The following VAV2 variants were observed in gnomAD, a reference collection of about 807,000 sequenced individuals.
VAV2 encodes guanine nucleotide exchange factor VAV2.
VAV2 carries 67 observed loss-of-function variants against 132.5 expected under a neutral mutation model. The observed-to-expected ratio is 0.51, with a 90% CI of 0.42 to 0.62. VAV2 has a LOEUF of 0.62. Among genes scored for constraint, VAV2 ranks in the 20% least tolerant of loss-of-function variants. The probability of loss-of-function intolerance (pLI) is 0.00; values close to 1 mark genes in which losing one functional copy is unlikely to be tolerated. For synonymous variants in VAV2, 492 were observed against 443.5 expected (o/e 1.11, Z -1.37); for missense variants, 938 against 1,153.6 (o/e 0.81, Z 2.71).
rs1412960185 is a variant in VAV2 at position 133,969,675 on chromosome 9, C to T, written c.204+22400G>A. On this transcript the variant is annotated intron_variant, in intron 1 of 29. Transcript: ENST00000371850. This position sits in a 1 kb window ranked among gnomAD's most constrained non-coding sequence, Gnocchi z 5.1. ...TCCATCGCACTGCTCAAGCCTGACC[C>T]CAGAGCACCCTCTTCATCACCCAAG... is the stretch of plus-strand genomic sequence containing the variant. Among the ~76,000 whole-genome samples the T allele has an allele frequency of 6.6e-6, 1 of 152,140 alleles. No individual in the cohort carries two copies. The highest frequency in any genetic ancestry group is 1.5e-5 in the Non-Finnish European group (1 of 68,004).
intron 16 of VAV2, 127 bp from the exon 17 acceptor site, chr9:133,786,012 G>GAGAA: frequency 1.2e-6 from 1 of 828,254 alleles, no homozygotes; most frequent in Non-Finnish European, 2.0e-6. Context: ...AGGTGCCTGT[G>GAGAA]CCTGTGTGAA....
At chr9:133,774,720 C>T (rs1054232642) in intron 25 of VAV2, among the ~76,000 whole-genome samples, 1 of 152,186 alleles carries the variant, frequency 6.6e-6, no homozygotes, top group African/African-American at 2.4e-5. Context: ...TAAGCATGGA[C>T]CATCTGTGCA....
At chr9:133,966,865 C>G (rs1273223735) in intron 1 of VAV2, among the ~76,000 whole-genome samples, 3 of 151,942 alleles carry the variant, frequency 2.0e-5, no homozygotes, top group Non-Finnish European at 2.9e-5. Context: ...TAAACCCTGT[C>G]TCTACTAAAA....
chr9:133,780,177 C>G, intron 20 of VAV2: 1 of 555,138 alleles, frequency 1.8e-6, no homozygotes, highest in Non-Finnish European at 3.1e-6. Flanking sequence ...CCACTCCTTA[C>G]CACGGGCCCC....
intron 2 of VAV2, among the ~76,000 whole-genome samples, chr9:133,915,707 G>A (rs200753695): frequency 1.4e-5 from 1 of 71,454 alleles, no homozygotes; most frequent in African/African-American, 4.5e-5. Flanking sequence ...ACAATGCACA[G>A]ACGCACACGA....
At chr9:133,990,859 C>A (rs1042812964) in intron 1 of VAV2, among the ~76,000 whole-genome samples, 1 of 152,118 alleles carries the variant, frequency 6.6e-6, no homozygotes, top group Non-Finnish European at 1.5e-5. Flanking sequence ...TCCTGCTAAG[C>A]CGGTCCAGGC....
chr9:133,976,702 T>G (rs530706126), intron 1 of VAV2, among the ~76,000 whole-genome samples: 1 of 152,348 alleles, frequency 6.6e-6, no homozygotes, highest in African/African-American at 2.4e-5. Flanking sequence ...GCGACGGAGC[T>G]GCTATTCTGG....
intron 4 of VAV2, among the ~76,000 whole-genome samples, chr9:133,813,969 G>C (rs1835458132): frequency 6.6e-6 from 1 of 152,184 alleles, no homozygotes; most frequent in South Asian, 2.1e-4. Context: ...GCCAGCAAGG[G>C]GCAGGGCTGT....
intron 26 of VAV2, 108 bp from the exon 27 acceptor site, chr9:133,770,609 T>TTCCTGGAC: frequency 1.3e-6 from 2 of 1,507,036 alleles, no homozygotes; most frequent in Middle Eastern, 2.3e-4. Flanking sequence ...GGAGACTAGC[T>TTCCTGGAC]TCCTGGACTC....
intron 1 of VAV2, among the ~76,000 whole-genome samples, chr9:133,958,993 AG>A (rs1363680774): frequency 6.6e-6 from 1 of 152,118 alleles, no homozygotes; most frequent in Non-Finnish European, 1.5e-5. Context: ...GGGGCCTCCC[AG>A]GGAAGTGAGA....
intron 2 of VAV2, among the ~76,000 whole-genome samples, chr9:133,869,820 A>G (rs57520738): frequency 0.25 from 37,915 of 152,060 alleles, 7,003 homozygotes; most frequent in African/African-American, 0.52. Context: ...CCATTACCAC[A>G]CATCTGGAAA....
At chr9:133,882,536 G>A (rs1588309215) in intron 2 of VAV2, among the ~76,000 whole-genome samples, 1 of 150,528 alleles carries the variant, frequency 6.6e-6, no homozygotes. Context: ...CTCAAAAGAA[G>A]AGAAAAGACA....
At chr9:133,976,197 T>C (rs117847749) in intron 1 of VAV2, among the ~76,000 whole-genome samples, 209 of 151,974 alleles carry the variant, frequency 1.4e-3, no homozygotes, top group Admixed American at 2.8e-3. Flanking sequence ...CAGAGCGAGA[T>C]TCCATTTCAA....
intron 2 of VAV2, among the ~76,000 whole-genome samples, chr9:133,865,254 C>T (rs1837754331): frequency 1.3e-5 from 2 of 152,232 alleles, no homozygotes; most frequent in African/African-American, 4.8e-5. Flanking sequence ...ACTGCGGATT[C>T]ACTGTAGGAC....
At chr9:133,982,430 A>G (rs372831129) in intron 1 of VAV2, among the ~76,000 whole-genome samples, 3 of 124,664 alleles carry the variant, frequency 2.4e-5, no homozygotes, top group Non-Finnish European at 5.6e-5. Flanking sequence ...ACAAGAGGGG[A>G]CCTAGGACGG....
Position 133,799,415 on chromosome 9 carries a change from A to C in VAV2, c.837-1606T>G, listed in dbSNP as rs557081959. 2.6e-4 allele frequency among the ~76,000 whole-genome samples: 40 copies of C among 152,318 alleles called. No homozygotes were observed. In the South Asian group the frequency reaches 7.9e-3, roughly 30 times the overall value. Reference sequence around the variant, plus strand: ...ACAAGCCTGCAGGGACACCTCTGGCATGCGAGGCTGACAGTCCACGACTCT... The same window carrying C: ...ACAAGCCTGCAGGGACACCTCTGGCCTGCGAGGCTGACAGTCCACGACTCT... On this transcript the variant is annotated intron_variant, in intron 9 of 29. Transcript: ENST00000371850.
chr9:133,929,797 T>C (rs897556699), intron 2 of VAV2, among the ~76,000 whole-genome samples: 1 of 151,874 alleles, frequency 6.6e-6, no homozygotes, highest in South Asian at 2.1e-4. Flanking sequence ...CTGTCCCCAC[T>C]GCCAGTGCCC....
At chr9:133,790,018 G>A (rs1362923162) in intron 13 of VAV2, among the ~76,000 whole-genome samples, 4 of 152,228 alleles carry the variant, frequency 2.6e-5, no homozygotes, top group African/African-American at 9.6e-5. Flanking sequence ...CCCAGAGGCT[G>A]CAAGGACAGC....
At chr9:133,861,289 C>T (rs1197184211) in intron 3 of VAV2, 85 bp downstream of exon 3, 1 of 1,445,124 alleles carries the variant, frequency 6.9e-7, no homozygotes, top group Non-Finnish European at 9.3e-7. Flanking sequence ...GCATCTGCTT[C>T]CAACCCCAGT....
Sources: gnomAD v4.1 joint callset for allele counts (sites outside exome capture counted in the v4.1 genomes callset) on GRCh38, gnomAD v4.1.1 for gene constraint, Gnocchi (gnomAD v3.1) non-coding constraint, MANE v1.5 for transcripts, NCBI Gene and HGNC (gene_info 2026-07-23, HGNC 2026-07-21) for gene names.